Variants in INAFM2 observed in about 807,000 individuals in gnomAD.
INAFM2 encodes putative transmembrane protein INAFM2.
Under a neutral mutation model 5.6 loss-of-function variants are expected in INAFM2, and 3 were observed. The ratio of observed to expected loss-of-function variants is 0.54; its 90% CI spans 0.24 to 1.39. The LOEUF (loss-of-function observed/expected upper bound fraction) is 1.39, where lower values mean the gene tolerates loss of function less well. INAFM2 is among the 40% of genes most tolerant of loss of function. INAFM2 has a pLI of 0.16. For synonymous variants in INAFM2, 113 were observed against 109.1 expected, an observed-to-expected ratio of 1.04 and a Z score of -0.22; for missense variants, 186 against 217.5, an observed-to-expected ratio of 0.86 and a Z score of 0.91.
rs572899336 is a variant in INAFM2 at position 40,325,329 on chromosome 15, C to T, written c.*812C>T. On this transcript the variant is annotated 3_prime_UTR_variant, in exon 1 of 1. Coordinates refer to ENST00000638170, the MANE Select transcript of INAFM2 (RefSeq NM_001301268.2). ...AGGGAGGGTGGGGAATGTACTCATC[C>T]CCTCTTCTTTCCATCCTAGTGCCCC... is the stretch of plus-strand genomic sequence containing the variant. 2.6e-5 allele frequency: 4 copies of T among 152,282 alleles called. No homozygotes were observed. The East Asian group carries it at 7.7e-4, about 29-fold the overall frequency. 9.4% of individuals were successfully genotyped at this position (152,282 alleles called of 1,614,324 possible).
Position 40,324,527 on chromosome 15 carries a change from C to T in INAFM2, c.*10C>T. On this transcript the variant is annotated 3_prime_UTR_variant, in exon 1 of 1. Coordinates refer to ENST00000638170, the MANE Select transcript of INAFM2 (RefSeq NM_001301268.2). Reference sequence around the variant, plus strand: ...GCCCGGGAGTCGTTGAAGCCCTCCGCGCTGGGGGCCGCCGGGAACCATTCT... The same window carrying T: ...GCCCGGGAGTCGTTGAAGCCCTCCGTGCTGGGGGCCGCCGGGAACCATTCT... The T allele has an allele frequency of 1.6e-6, 2 of 1,225,408 alleles. No homozygotes were observed. Among genetic ancestry groups the T allele is most frequent in the Non-Finnish European group, 1.0e-6 (1 of 983,690 alleles). The allele number at this position is 1,225,408 out of a possible 1,614,324, so 75.9% of individuals were successfully genotyped here. A position where few individuals can be genotyped will look rare whatever the true frequency, so the allele number is the denominator to read the frequency against.
chr15:40,324,788 G>A lies in INAFM2; in HGVS notation c.*271G>A. 3.2e-6 allele frequency: 1 copy of A among 313,624 alleles called. No individual in the cohort carries two copies. The highest frequency in any genetic ancestry group is 5.1e-5 in the East Asian group (1 of 19,780). The allele number at this position is 313,624 out of a possible 1,614,324, so 19.4% of individuals were successfully genotyped here. A position where few individuals can be genotyped will look rare whatever the true frequency, so the allele number is the denominator to read the frequency against. ...CGTAGGGGGATGGGGGGAGGGGTGG[G>A]GAGATCCCGGCACCAAACCCTTCTG... is the stretch of plus-strand genomic sequence containing the variant. On this transcript the variant is annotated 3_prime_UTR_variant, in exon 1 of 1. Transcript: ENST00000638170.
In INAFM2 at chr15:40,324,389, C is replaced by T. The variant is rs1173592619; in HGVS notation, c.334C>T (p.Pro112Ser). The T allele has an allele frequency of 8.2e-7, 1 of 1,221,930 alleles. No homozygotes were observed. The highest frequency in any genetic ancestry group is 1.6e-5 in the African/African-American group (1 of 63,874). 75.7% of individuals were successfully genotyped at this position (1,221,930 alleles called of 1,614,324 possible). A position where few individuals can be genotyped will look rare whatever the true frequency, so the allele number is the denominator to read the frequency against. The change falls in exon 1 of 1, where the codon CCA becomes TCA. Residue 112 changes from proline to serine, a missense_variant. Pro to Ser is a moderately conservative substitution (Grantham distance 74). Coordinates refer to ENST00000638170, the MANE Select transcript of INAFM2 (RefSeq NM_001301268.2). ...SRREAPRDVP[P>S]LQAARPAPPE... ...CCGCGAGGCGCCGCGCGACGTTCCC[C>T]CACTGCAGGCGGCGCGACCGGCGCC...
chr15:40,324,316 G>A lies in INAFM2; in HGVS notation c.261G>A (p.Gly87=), dbSNP rs1321375406. 8.1e-7 allele frequency: 1 copy of A among 1,227,652 alleles called. No homozygotes were observed. Among genetic ancestry groups the A allele is most frequent in the East Asian group, 3.2e-5 (1 of 31,372 alleles). The allele number at this position is 1,227,652 out of a possible 1,614,324, so 76.0% of individuals were successfully genotyped here. A position where few individuals can be genotyped will look rare whatever the true frequency, so the allele number is the denominator to read the frequency against. ...GCTCCAACGCCACTGGCCCGTCTGG[G>A]ACTTCGGGGGCGGCGGCGGCGGGGC... ...PGGSNATGPS[G]TSGAAAAGPN... The change falls in exon 1 of 1, where the codon GGG becomes GGA. Residue 87 remains glycine (G), a synonymous_variant. Coordinates refer to ENST00000638170, the MANE Select transcript of INAFM2 (RefSeq NM_001301268.2).
Position 40,324,018 on chromosome 15 carries a change from G to A in INAFM2, c.-38G>A. On this transcript the variant is annotated 5_prime_UTR_variant, in exon 1 of 1. Coordinates refer to ENST00000638170, the MANE Select transcript of INAFM2 (RefSeq NM_001301268.2). ...CAGGCCGCCAGGCCCCCTCCAGCCG[G>A]GGCCGTGGAGCACCGGGGCAAAGGC... 8 of 1,197,592 alleles carry A rather than the reference G, an allele frequency of 6.7e-6. No individual in the cohort carries two copies. The highest frequency in any genetic ancestry group is 8.3e-6 in the Non-Finnish European group (8 of 958,876). The allele number at this position is 1,197,592 out of a possible 1,614,324, so 74.2% of individuals were successfully genotyped here. A position where few individuals can be genotyped will look rare whatever the true frequency, so the allele number is the denominator to read the frequency against.
chr15:40,324,279 C>T lies in INAFM2; in HGVS notation c.224C>T (p.Pro75Leu), dbSNP rs1460648656. ...GAGTSGGAAGPPPGGSNATGP... is the reference protein window; with the variant it reads ...GAGTSGGAAGLPPGGSNATGP... ...GGGACCTCGGGGGGAGCCGCTGGCC[C>T]GCCCCCCGGCGGCTCCAACGCCACT... Residue 75 changes from proline (P) to leucine (L), a missense_variant, in exon 1 of 1, where the codon CCG (proline) becomes CTG (leucine). Physicochemically the swap from Pro to Leu is moderately conservative, Grantham distance 98 (BLOSUM62 -3). Around this residue, in one of 2 missense-constraint regions of INAFM2, gnomAD observed 148 missense variants for 140.2 expected, o/e 1.06. Transcript: ENST00000638170. 2.0e-5 allele frequency: 25 copies of T among 1,228,612 alleles called. No homozygotes were observed. In the South Asian group the frequency reaches 1.0e-3, roughly 51 times the overall value. 76.1% of individuals were successfully genotyped at this position (1,228,612 alleles called of 1,614,324 possible). A position where few individuals can be genotyped will look rare whatever the true frequency, so the allele number is the denominator to read the frequency against.
Position 40,326,004 on chromosome 15 carries a change from TAA to T in INAFM2, c.*1490_*1491del, listed in dbSNP as rs1566905147. 3 of 152,254 alleles carry T rather than the reference TAA, an allele frequency of 2.0e-5. No homozygotes were observed. In the East Asian group the frequency reaches 5.8e-4, roughly 29 times the overall value. The allele number at this position is 152,254 out of a possible 1,614,324, so 9.4% of individuals were successfully genotyped here. ...GGAAATGAGGCACTATTTTTTTTTT[TAA>T]AAGACAACTTACCCACCTGAGTCCT... On this transcript the variant is annotated 3_prime_UTR_variant, in exon 1 of 1. Transcript: ENST00000638170.
In INAFM2 at chr15:40,326,068, C is replaced by G. The variant is rs1010009853; in HGVS notation, c.*1551C>G. The G allele has an allele frequency of 6.6e-6, 1 of 152,158 alleles. No homozygotes were observed. Among genetic ancestry groups the G allele is most frequent in the African/African-American group, 2.4e-5 (1 of 41,410 alleles). 9.4% of individuals were successfully genotyped at this position (152,158 alleles called of 1,614,324 possible). On this transcript the variant is annotated 3_prime_UTR_variant, in exon 1 of 1. Coordinates refer to ENST00000638170, the MANE Select transcript of INAFM2 (RefSeq NM_001301268.2). Reference sequence around the variant, plus strand: ...TCTCTCCAGTTTTCTGGCCTATACTCTAGTTAGCTCTGATCCAAGTTTACA... The same window carrying G: ...TCTCTCCAGTTTTCTGGCCTATACTGTAGTTAGCTCTGATCCAAGTTTACA...
At position 40,324,336 on chromosome 15, in the gene INAFM2, C is replaced by T. The variant is rs1040069672; in HGVS notation, c.281C>T (p.Ala94Val). 2,608 of 1,225,536 alleles carry T rather than the reference C, an allele frequency of 2.1e-3. 3 individuals are homozygous for T. The highest frequency in any genetic ancestry group is 2.5e-3 in the Non-Finnish European group (2,461 of 983,930). 75.9% of individuals were successfully genotyped at this position (1,225,536 alleles called of 1,614,324 possible). A position where few individuals can be genotyped will look rare whatever the true frequency, so the allele number is the denominator to read the frequency against. ...GPSGTSGAAA[A>V]GPNTTGSSRR... is the part of the protein sequence containing the mutation. ...TCTGGGACTTCGGGGGCGGCGGCGG[C>T]GGGGCCCAACACCACTGGGTCGTCC... Residue 94 changes from alanine (A) to valine (V), a missense_variant, in exon 1 of 1, where the codon GCG becomes GTG. Physicochemically the swap from Ala to Val is moderately conservative, Grantham distance 64 (BLOSUM62 0). Transcript: ENST00000638170.
Position 40,324,448 on chromosome 15 carries a change from G to T in INAFM2, c.393G>T (p.Gly131=). The part of the protein sequence containing the change: ...PEPPADSPPA[G]PLERPRGPDE... ...CCCCTGCGGACAGCCCCCCGGCCGG[G>T]CCGCTCGAGCGGCCTCGGGGGCCGG... Residue 131 remains glycine (G), a synonymous_variant, in exon 1 of 1, where the codon GGG becomes GGT. Transcript: ENST00000638170. The T allele has an allele frequency of 8.1e-7, 1 of 1,227,360 alleles. No individual in the cohort carries two copies. Among genetic ancestry groups the T allele is most frequent in the Non-Finnish European group, 1.0e-6 (1 of 985,040 alleles). The allele number at this position is 1,227,360 out of a possible 1,614,324, so 76.0% of individuals were successfully genotyped here.
Position 40,324,155 on chromosome 15 carries a change from G to C in INAFM2, c.100G>C (p.Val34Leu), listed in dbSNP as rs1888743280. The change falls in exon 1 of 1, where the codon GTC (valine) becomes CTC (leucine). Residue 34 changes from valine to leucine, a missense_variant. Physicochemically the swap from Val to Leu is conservative, Grantham distance 32 (BLOSUM62 1). Around this residue, in one of 2 missense-constraint regions of INAFM2, gnomAD observed 38 missense variants for 77.3 expected, o/e 0.49. Transcript: ENST00000638170. ...KMAAKTNKKW[V>L]RLATVFAYVL... The stretch of plus-strand genomic sequence containing the variant: ...GGCGGCCAAGACCAACAAGAAGTGG[G>C]TCCGGCTCGCCACCGTGTTCGCCTA... 1.6e-6 allele frequency: 2 copies of C among 1,229,276 alleles called. No individual in the cohort carries two copies. The highest frequency in any genetic ancestry group is 3.1e-5 in the African/African-American group (2 of 64,260). 76.1% of individuals were successfully genotyped at this position (1,229,276 alleles called of 1,614,324 possible).
Position 40,324,600 on chromosome 15 carries a change from C to T in INAFM2, c.*83C>T. ...TCGCAGCAGGATGGGGTGGAGAGCC[C>T]GCGGGAGTGACCCCCACGAGAGTGA... is the stretch of plus-strand genomic sequence containing the variant. On this transcript the variant is annotated 3_prime_UTR_variant, in exon 1 of 1. Transcript: ENST00000638170. The T allele has an allele frequency of 3.0e-6, 3 of 1,008,602 alleles. No individual in the cohort carries two copies. Among genetic ancestry groups the T allele is most frequent in the Non-Finnish European group, 3.8e-6 (3 of 788,688 alleles). 62.5% of individuals were successfully genotyped at this position (1,008,602 alleles called of 1,614,324 possible).
chr15:40,324,378 G>A lies in INAFM2; in HGVS notation c.323G>A (p.Arg108His). 3 of 1,221,920 alleles carry A rather than the reference G, an allele frequency of 2.5e-6. No homozygotes were observed. The highest frequency in any genetic ancestry group is 3.1e-6 in the Non-Finnish European group (3 of 981,622). The allele number at this position is 1,221,920 out of a possible 1,614,324, so 75.7% of individuals were successfully genotyped here. The change falls in exon 1 of 1, where the codon CGC (arginine) becomes CAC (histidine). Residue 108 changes from arginine (R) to histidine (H), a missense_variant. Coordinates refer to ENST00000638170, the MANE Select transcript of INAFM2 (RefSeq NM_001301268.2). ...TTGSSRREAPRDVPPLQAARP... is the reference protein window; with the variant it reads ...TTGSSRREAPHDVPPLQAARP... ...GGGTCGTCCCGCCGCGAGGCGCCGC[G>A]CGACGTTCCCCCACTGCAGGCGGCG...
Position 40,324,530 on chromosome 15 carries a change from TG to T in INAFM2, c.*18del. On this transcript the variant is annotated 3_prime_UTR_variant, in exon 1 of 1. Transcript: ENST00000638170. ...CGGGAGTCGTTGAAGCCCTCCGCGCTGGGGGCCGCCGGGAACCATTCTCCCC... is the reference window on the plus strand; with the variant it reads ...CGGGAGTCGTTGAAGCCCTCCGCGCTGGGGCCGCCGGGAACCATTCTCCCC... 8.3e-7 allele frequency: 1 copy of T among 1,200,212 alleles called. No individual in the cohort carries two copies. Among genetic ancestry groups the T allele is most frequent in the Non-Finnish European group, 1.0e-6 (1 of 967,016 alleles). 74.3% of individuals were successfully genotyped at this position (1,200,212 alleles called of 1,614,324 possible).
Position 40,324,498 on chromosome 15 carries a change from C to T in INAFM2, c.443C>T (p.Ala148Val). Residue 148 changes from alanine to valine, a missense_variant, in exon 1 of 1, where the codon GCG becomes GTG. Ala to Val is a moderately conservative substitution (Grantham distance 64). This residue lies in a region of INAFM2 where 148 missense variants were observed against 140.2 expected (regional missense o/e 1.06). Coordinates refer to ENST00000638170, the MANE Select transcript of INAFM2 (RefSeq NM_001301268.2). ...GACGAGGACGAAGAGGAAACGGCGG[C>T]GGCGCCCGGGAGTCGTTGAAGCCCT... ...GPDEDEEETA[A>V]APGSR 8.1e-7 allele frequency: 1 copy of T among 1,227,454 alleles called. No homozygotes were observed. Among genetic ancestry groups the T allele is most frequent in the Non-Finnish European group, 1.0e-6 (1 of 985,114 alleles). The allele number at this position is 1,227,454 out of a possible 1,614,324, so 76.0% of individuals were successfully genotyped here.
At position 40,324,005 on chromosome 15, in the gene INAFM2, C is replaced by G. The variant is rs983189388; in HGVS notation, c.-51C>G. 8.8e-7 allele frequency: 1 copy of G among 1,131,300 alleles called. No individual in the cohort carries two copies. The allele number at this position is 1,131,300 out of a possible 1,614,324, so 70.1% of individuals were successfully genotyped here. A position where few individuals can be genotyped will look rare whatever the true frequency, so the allele number is the denominator to read the frequency against. On this transcript the variant is annotated 5_prime_UTR_variant, in exon 1 of 1. Coordinates refer to ENST00000638170, the MANE Select transcript of INAFM2 (RefSeq NM_001301268.2). ...TGCCCAGTCCTTGCAGGCCGCCAGG[C>G]CCCCTCCAGCCGGGGCCGTGGAGCA...
rs1471263236 is a variant in INAFM2 at position 40,326,010 on chromosome 15, A to G, written c.*1493A>G. The G allele has an allele frequency of 3.3e-5, 5 of 152,044 alleles. No homozygotes were observed. The highest frequency in any genetic ancestry group is 5.9e-5 in the Non-Finnish European group (4 of 68,010). 9.4% of individuals were successfully genotyped at this position (152,044 alleles called of 1,614,324 possible). On this transcript the variant is annotated 3_prime_UTR_variant, in exon 1 of 1. Transcript: ENST00000638170. The stretch of plus-strand genomic sequence containing the variant: ...GAGGCACTATTTTTTTTTTTAAAAG[A>G]CAACTTACCCACCTGAGTCCTGAAA...
Position 40,324,156 on chromosome 15 carries a change from T to A in INAFM2, c.101T>A (p.Val34Asp). ...KMAAKTNKKW[V>D]RLATVFAYVL... is the part of the protein sequence containing the mutation. The stretch of plus-strand genomic sequence containing the variant: ...GCGGCCAAGACCAACAAGAAGTGGG[T>A]CCGGCTCGCCACCGTGTTCGCCTAC... Residue 34 changes from valine (V) to aspartate (D), a missense_variant, in exon 1 of 1, where the codon GTC (valine) becomes GAC (aspartate). Physicochemically the swap from Val to Asp is radical, Grantham distance 152. Around this residue, in one of 2 missense-constraint regions of INAFM2, gnomAD observed 38 missense variants for 77.3 expected, o/e 0.49. Transcript: ENST00000638170. The A allele has an allele frequency of 8.1e-7, 1 of 1,229,244 alleles. No individual in the cohort carries two copies. The highest frequency in any genetic ancestry group is 4.1e-5 in the South Asian group (1 of 24,312). 76.1% of individuals were successfully genotyped at this position (1,229,244 alleles called of 1,614,324 possible).
In INAFM2 at chr15:40,324,634, C is replaced by T; in HGVS notation, c.*117C>T. On this transcript the variant is annotated 3_prime_UTR_variant, in exon 1 of 1. Coordinates refer to ENST00000638170, the MANE Select transcript of INAFM2 (RefSeq NM_001301268.2). The stretch of plus-strand genomic sequence containing the variant: ...GACCCCCACGAGAGTGAACGCCCCT[C>T]ACACTCCCACCATCGCCGGCTGGCC... 2 of 703,294 alleles carry T rather than the reference C, an allele frequency of 2.8e-6. No individual in the cohort carries two copies. Among genetic ancestry groups the T allele is most frequent in the East Asian group, 3.6e-5 (1 of 27,714 alleles). The allele number at this position is 703,294 out of a possible 1,614,324, so 43.6% of individuals were successfully genotyped here.
Sources: gnomAD v4.1 joint callset for allele counts on GRCh38, gnomAD v4.1.1 for gene constraint, gnomAD v4.1.1 regional missense constraint, MANE v1.5 for transcripts, NCBI Gene and HGNC (gene_info 2026-07-23, HGNC 2026-07-21) for gene names.